Variants in MTMR6 observed in about 807,000 individuals in gnomAD.
The protein encoded by MTMR6 is phosphatidylinositol-3,5-bisphosphate 3-phosphatase MTMR6.
MTMR6 carries 47 observed loss-of-function variants against 80.1 expected under a neutral mutation model. The ratio of observed to expected loss-of-function variants is 0.59; its 90% CI spans 0.46 to 0.75. MTMR6 has a LOEUF of 0.75. Ranked by LOEUF, MTMR6 falls within the 30% of genes least tolerant of loss-of-function variation. MTMR6 has a pLI of 0.00. For synonymous variants in MTMR6, 254 were observed against 253.0 expected, an observed-to-expected ratio of 1.00 and a Z score of -0.04; for missense variants, 629 against 730.9, an observed-to-expected ratio of 0.86 and a Z score of 1.61.
chr13:25,261,923 T>A, intron 5 of MTMR6, 121 bp from the exon 6 acceptor site: 3 of 854,506 alleles, frequency 3.5e-6, no homozygotes, highest in Non-Finnish European at 5.2e-6. Flanking sequence ...AGGCATTAAC[T>A]TTAAGATCCT....
chr13:25,264,775 A>AAAAAAAAAAAAAAAAAAG (rs1491106020), intron 5 of MTMR6, among the ~76,000 whole-genome samples: 3 of 133,732 alleles, frequency 2.2e-5, no homozygotes, highest in East Asian at 2.6e-4. Flanking sequence ...AAAAAAAAAA[A>AAAAAAAAAAAAAAAAAAG]GAAATTTCAG....
chr13:25,274,976 A>ACACACACACACACACACACACACACACC, intron 1 of MTMR6, among the ~76,000 whole-genome samples: 1 of 140,284 alleles, frequency 7.1e-6, no homozygotes, highest in Non-Finnish European at 1.5e-5. Flanking sequence ...ACACACACAC[A>ACACACACACACACACACACACACACACC]CACACACACA....
chr13:25,272,539 CCAGA>C (rs558337499), intron 2 of MTMR6, among the ~76,000 whole-genome samples: 35 of 152,116 alleles, frequency 2.3e-4, no homozygotes, highest in African/African-American at 8.0e-4. Flanking sequence ...AACCCATAGC[CCAGA>C]CAGTGAACAC....
At chr13:25,279,959 T>C (rs1345881996) in intron 1 of MTMR6, among the ~76,000 whole-genome samples, 2 of 152,078 alleles carry the variant, frequency 1.3e-5, no homozygotes, top group Admixed American at 6.5e-5. Context: ...AGTGTGAATG[T>C]GGAGAAAATG....
At chr13:25,280,870 C>T (rs1957827336) in intron 1 of MTMR6, among the ~76,000 whole-genome samples, 1 of 152,196 alleles carries the variant, frequency 6.6e-6, no homozygotes, top group African/African-American at 2.4e-5. Context: ...TAAATGCCAA[C>T]ACACATTACT....
chr13:25,247,869 G>C lies in MTMR6; in HGVS notation c.*1363C>G, dbSNP rs1273635390. The C allele has an allele frequency of 1.3e-5, 2 of 152,004 alleles. No homozygotes were observed. The highest frequency in any genetic ancestry group is 2.4e-5 in the African/African-American group (1 of 41,410). The allele number at this position is 152,004 out of a possible 1,614,324, so 9.4% of individuals were successfully genotyped here. A position where few individuals can be genotyped will look rare whatever the true frequency, so the allele number is the denominator to read the frequency against. ...ACACTATGCAAATTGCCTAATACTC[G>C]AATTGTACTTCATGCCACCATGTTA... On this transcript the variant is annotated 3_prime_UTR_variant, in exon 14 of 14. Transcript: ENST00000381801.
At chr13:25,255,435 G>C (rs150047430) in intron 9 of MTMR6, among the ~76,000 whole-genome samples, 9 of 152,234 alleles carry the variant, frequency 5.9e-5, no homozygotes, top group Non-Finnish European at 8.8e-5. Context: ...CATCCATCCT[G>C]GCACCTAATT....
At chr13:25,279,058 C>A (rs1957787144) in intron 1 of MTMR6, among the ~76,000 whole-genome samples, 2 of 152,144 alleles carry the variant, frequency 1.3e-5, no homozygotes, top group Admixed American at 6.5e-5. Context: ...TATCTCATTT[C>A]TTTATCTCTA....
intron 11 of MTMR6, among the ~76,000 whole-genome samples, chr13:25,252,638 A>C (rs763386552): frequency 6.6e-6 from 1 of 152,230 alleles, no homozygotes; most frequent in Admixed American, 6.5e-5. Context: ...GAGAAAAACT[A>C]CTAGGAAATA....
Position 25,274,104 on chromosome 13 carries a change from T to C in MTMR6, c.108A>G (p.Leu36=). 6.2e-7 allele frequency: 1 copy of C among 1,611,112 alleles called. No homozygotes were observed. ...TGTLYLTATH[L]LFIDSHQKET... is the part of the protein sequence containing the mutation. ...CTTTTTGATGAGAGTCGATAAATAA[T>C]AGATGTGTAGCCGTAAGATACAGTG... Residue 36 remains leucine (L), a synonymous_variant, in exon 2 of 14, where the codon CTA becomes CTG. Coordinates refer to ENST00000381801, the MANE Select transcript of MTMR6 (RefSeq NM_004685.5).
At chr13:25,256,654 C>A (rs1198989755) in intron 9 of MTMR6, among the ~76,000 whole-genome samples, 1 of 152,126 alleles carries the variant, frequency 6.6e-6, no homozygotes, top group Non-Finnish European at 1.5e-5. Context: ...GGAACTAGGT[C>A]TTTATCTTCA....
At position 25,247,881 on chromosome 13, in the gene MTMR6, A is replaced by G. The variant is rs892533786; in HGVS notation, c.*1351T>C. On this transcript the variant is annotated 3_prime_UTR_variant, in exon 14 of 14. Coordinates refer to ENST00000381801, the MANE Select transcript of MTMR6 (RefSeq NM_004685.5). ...TTGCCTAATACTCGAATTGTACTTC[A>G]TGCCACCATGTTATTTAAATTTTCA... is the stretch of plus-strand genomic sequence containing the variant. 2.6e-5 allele frequency: 4 copies of G among 152,168 alleles called. No individual in the cohort carries two copies. Among genetic ancestry groups the G allele is most frequent in the African/African-American group, 9.6e-5 (4 of 41,456 alleles). 9.4% of individuals were successfully genotyped at this position (152,168 alleles called of 1,614,324 possible). A position where few individuals can be genotyped will look rare whatever the true frequency, so the allele number is the denominator to read the frequency against.
chr13:25,277,267 A>G (rs1957746430), intron 1 of MTMR6, among the ~76,000 whole-genome samples: 1 of 152,148 alleles, frequency 6.6e-6, no homozygotes, highest in South Asian at 2.1e-4. Context: ...TTATCACCTA[A>G]ATATTTTTAA....
chr13:25,264,784 A>G (rs1468400527), intron 5 of MTMR6, among the ~76,000 whole-genome samples: 1 of 139,070 alleles, frequency 7.2e-6, no homozygotes, highest in African/African-American at 2.5e-5. Context: ...AAGAAATTTC[A>G]GAACACTGGG....
chr13:25,276,042 C>T (rs1957718838), intron 1 of MTMR6, among the ~76,000 whole-genome samples: 1 of 149,864 alleles, frequency 6.7e-6, no homozygotes, highest in Non-Finnish European at 1.5e-5. Context: ...TTACAACACA[C>T]TGCAAATCCA....
In MTMR6 at chr13:25,266,141, G is replaced by C; in HGVS notation, c.450C>G (p.Asn150Lys). The change falls in exon 4 of 14, where the codon AAC becomes AAG. Residue 150 changes from asparagine (N) to lysine (K), a missense_variant. Asn to Lys is a moderately conservative substitution (Grantham distance 94). Transcript: ENST00000381801. Reference protein sequence around the residue: ...PNSHWQLSDANRDYKICETYP... With the variant: ...PNSHWQLSDAKRDYKICETYP... ...GTTGTTAAGGTACCTTGTAGTCCCG[G>C]TTGGCATCAGACAACTGCCAGTGTG... 6.2e-7 allele frequency: 1 copy of C among 1,613,678 alleles called. No homozygotes were observed. The highest frequency in any genetic ancestry group is 8.5e-7 in the Non-Finnish European group (1 of 1,179,902).
In MTMR6 at chr13:25,266,080, C is replaced by T. The variant is rs755056647; in HGVS notation, c.462+49G>A. On this transcript the variant is annotated intron_variant, in intron 4 of 13. Transcript: ENST00000381801. ...ACTTGCTACGCTGACACTCTCTAAC[C>T]CTCTGGTACTAACACTTTCTGAATT... The T allele has an allele frequency of 3.7e-6, 6 of 1,604,534 alleles. No homozygotes were observed. In the East Asian group the frequency reaches 8.9e-5, roughly 24 times the overall value.
At chr13:25,266,355 T>G in intron 3 of MTMR6, 69 bp from the exon 4 acceptor site, 2 of 1,322,780 alleles carry the variant, frequency 1.5e-6, no homozygotes, top group Non-Finnish European at 2.1e-6. Flanking sequence ...TAAATGTAAT[T>G]TTTCAGTTTT....
chr13:25,282,954 AT>A (rs1957888750), intron 1 of MTMR6, among the ~76,000 whole-genome samples: 1 of 151,938 alleles, frequency 6.6e-6, no homozygotes, highest in Non-Finnish European at 1.5e-5. Context: ...GAGTCTCAAC[AT>A]ATTCTCCTTG....
Sources: gnomAD v4.1 joint callset for allele counts (sites outside exome capture counted in the v4.1 genomes callset) on GRCh38, gnomAD v4.1.1 for gene constraint, MANE v1.5 for transcripts, NCBI Gene and HGNC (gene_info 2026-07-23, HGNC 2026-07-21) for gene names.